The following PID1 variants were observed in gnomAD, a reference collection of about 807,000 sequenced individuals.
PID1 encodes the protein PTB-containing, cubilin and LRP1-interacting protein.
In PID1, 10 loss-of-function variants were observed where a neutral mutation model predicts 19.1. That is an observed-to-expected ratio of 0.52 (90% CI 0.32 to 0.89). PID1 has a LOEUF of 0.89. Among genes scored for constraint, PID1 ranks in the 40% least tolerant of loss-of-function variants. The pLI is 0.03. For missense variants in PID1, 248 were observed against 285.3 expected, an observed-to-expected ratio of 0.87 and a Z score of 0.94; for synonymous variants, 130 against 116.0, an observed-to-expected ratio of 1.12 and a Z score of -0.78.
chr2:229,172,274 T>TGAAATGCC (rs1690726009), intron 1 of PID1, among the ~76,000 whole-genome samples: 4 of 152,152 alleles, frequency 2.6e-5, no homozygotes, highest in African/African-American at 9.7e-5. Flanking sequence ...ACAGGCAAGT[T>TGAAATGCC]TGAAATATTG....
intron 2 of PID1, among the ~76,000 whole-genome samples, chr2:229,065,023 T>C (rs1458249304): frequency 6.6e-6 from 1 of 152,128 alleles, no homozygotes; most frequent in Non-Finnish European, 1.5e-5. Flanking sequence ...AAGAGAGTGA[T>C]AACCAGATGC....
intron 2 of PID1, among the ~76,000 whole-genome samples, chr2:229,063,478 C>T (rs1203684173): frequency 6.6e-6 from 1 of 152,066 alleles, no homozygotes; most frequent in East Asian, 1.9e-4. Flanking sequence ...CCATTATGGT[C>T]AGAACAGTTA....
At chr2:229,163,952 C>A (rs1690548128) in intron 1 of PID1, among the ~76,000 whole-genome samples, 1 of 152,020 alleles carries the variant, frequency 6.6e-6, no homozygotes, top group South Asian at 2.1e-4. Flanking sequence ...AAGTGGTTTT[C>A]AAAAATTGAG....
At chr2:229,239,908 T>C (rs1388932294) in intron 1 of PID1, among the ~76,000 whole-genome samples, 1 of 152,038 alleles carries the variant, frequency 6.6e-6, no homozygotes, top group Non-Finnish European at 1.5e-5. Context: ...GTAATCCAAT[T>C]CAACCTATAT....
intron 2 of PID1, among the ~76,000 whole-genome samples, chr2:229,050,038 A>G (rs1039293181): frequency 1.3e-5 from 2 of 152,232 alleles, no homozygotes; most frequent in Non-Finnish European, 2.9e-5. Flanking sequence ...ATTATAACAG[A>G]GGAAAAATAT....
chr2:229,040,408 T>C (rs565496029), intron 2 of PID1, among the ~76,000 whole-genome samples: 25 of 152,308 alleles, frequency 1.6e-4, no homozygotes, highest in African/African-American at 5.3e-4. Flanking sequence ...TTTTATATAT[T>C]TGTTTGTGAA....
At position 229,092,831 on chromosome 2, in the gene PID1, G is replaced by A. The variant is rs142797682; in HGVS notation, c.177+62987C>T. ...TCATTTTTATAACAGATCTTTGTCC[G>A]TATACCTCTCTCAATCCTTTTGTTT... is the stretch of plus-strand genomic sequence containing the variant. On this transcript the variant is annotated intron_variant, in intron 2 of 2. Coordinates refer to ENST00000392055, the MANE Select transcript of PID1 (RefSeq NM_001100818.2). Among the ~76,000 whole-genome samples the A allele has an allele frequency of 5.2e-3, 792 of 152,204 alleles. 6 individuals carry two copies. Among genetic ancestry groups the A allele is most frequent in the African/African-American group, 0.017 (691 of 41,536 alleles).
At chr2:229,193,945 A>G (rs1691317379) in intron 1 of PID1, among the ~76,000 whole-genome samples, 1 of 152,128 alleles carries the variant, frequency 6.6e-6, no homozygotes. Context: ...AGGGCAAGCA[A>G]TAATGCAAAG....
At chr2:229,121,492 C>T (rs994836947) in intron 2 of PID1, among the ~76,000 whole-genome samples, 8 of 152,286 alleles carry the variant, frequency 5.3e-5, no homozygotes, top group South Asian at 2.1e-4. Context: ...TAAGTCCCTT[C>T]GTGACTTGGG....
At chr2:229,232,216 G>A in intron 1 of PID1, 1 of 1,124,190 alleles carries the variant, frequency 8.9e-7, no homozygotes, top group Middle Eastern at 3.1e-4. Flanking sequence ...GAAGTCAGGA[G>A]ATCAAGACCA....
At chr2:229,119,193 T>C (rs574558712) in intron 2 of PID1, among the ~76,000 whole-genome samples, 4 of 152,232 alleles carry the variant, frequency 2.6e-5, no homozygotes, top group Non-Finnish European at 5.9e-5. Flanking sequence ...ATTATTTGCA[T>C]GCAGCAGTCT....
At chr2:229,073,227 A>C (rs929465957) in intron 2 of PID1, among the ~76,000 whole-genome samples, 2 of 152,058 alleles carry the variant, frequency 1.3e-5, no homozygotes, top group Non-Finnish European at 2.9e-5. Flanking sequence ...GGGTTTCACC[A>C]TGTTAGCCAG....
chr2:229,100,201 T>C (rs1385672360), intron 2 of PID1, among the ~76,000 whole-genome samples: 1 of 152,206 alleles, frequency 6.6e-6, no homozygotes, highest in Non-Finnish European at 1.5e-5. Flanking sequence ...TTTAAGCCGC[T>C]CCATCTATGG....
At chr2:229,188,666 G>A (rs1228591634) in intron 1 of PID1, among the ~76,000 whole-genome samples, 3 of 151,690 alleles carry the variant, frequency 2.0e-5, no homozygotes, top group African/African-American at 4.8e-5. Flanking sequence ...TTGAACCCAG[G>A]AGGCGGAGGT....
At chr2:229,095,404 C>G (rs1005760806) in intron 2 of PID1, among the ~76,000 whole-genome samples, 8 of 152,150 alleles carry the variant, frequency 5.3e-5, no homozygotes, top group African/African-American at 1.9e-4. Context: ...GCCCATTTTG[C>G]ATTTTCGGAC....
chr2:229,045,046 C>T (rs1376518477), intron 2 of PID1, among the ~76,000 whole-genome samples: 1 of 152,016 alleles, frequency 6.6e-6, no homozygotes, highest in Non-Finnish European at 1.5e-5. Flanking sequence ...CTCTGCCTCC[C>T]AGATTCAAGC....
At chr2:229,047,669 G>T (rs1693911961) in intron 2 of PID1, among the ~76,000 whole-genome samples, 2 of 152,132 alleles carry the variant, frequency 1.3e-5, no homozygotes, top group African/African-American at 4.8e-5. Context: ...AGTAGCCTTG[G>T]AAAATAAGGA....
chr2:229,248,202 A>G (rs1690052459), intron 1 of PID1, among the ~76,000 whole-genome samples: 1 of 152,190 alleles, frequency 6.6e-6, no homozygotes, highest in African/African-American at 2.4e-5. Flanking sequence ...ATCAAATTCA[A>G]GATCATGTAC....
chr2:229,254,955 G>T (rs1203944111), intron 1 of PID1, among the ~76,000 whole-genome samples: 1 of 152,172 alleles, frequency 6.6e-6, no homozygotes, highest in African/African-American at 2.4e-5. Flanking sequence ...GAATTTCTGG[G>T]TTTAAAAGGT....
Sources: allele counts gnomAD v4.1 joint callset (sites outside exome capture counted in the v4.1 genomes callset), GRCh38; gene constraint gnomAD v4.1.1; transcripts MANE v1.5; gene names NCBI Gene and HGNC (gene_info 2026-07-23, HGNC 2026-07-21).